The following RBM33 variants were observed in gnomAD, a reference collection of about 807,000 sequenced individuals.
RBM33 encodes RNA-binding protein 33.
In RBM33, 28 loss-of-function variants were observed where a neutral mutation model predicts 132.6. The ratio of observed to expected loss-of-function variants is 0.21; its 90% confidence interval spans 0.16 to 0.29. RBM33 has a LOEUF of 0.29. RBM33 is among the 10% of genes least tolerant of loss of function. The pLI, the probability that RBM33 is intolerant of heterozygous loss-of-function variation, is 1.00. For missense variants in RBM33, 1,291 were observed against 1,518.5 expected, an observed-to-expected ratio of 0.85 and a Z score of 2.49; for synonymous variants, 634 against 593.0, an observed-to-expected ratio of 1.07 and a Z score of -1.01.
chr7:155,656,321 A>G (rs893926407), intron 1 of RBM33, among the ~76,000 whole-genome samples: 15 of 152,188 alleles, frequency 9.9e-5, no homozygotes, highest in Non-Finnish European at 2.2e-4. Context: ...GTGGCACAAA[A>G]TCATGGTTAA....
chr7:155,737,231 A>G (rs1801153414), intron 9 of RBM33, among the ~76,000 whole-genome samples: 1 of 147,942 alleles, frequency 6.8e-6, no homozygotes, highest in African/African-American at 2.6e-5. Context: ...AGAAAGCGCT[A>G]CCATCTAGGT....
At chr7:155,718,792 C>T (rs1800540265) in intron 9 of RBM33, among the ~76,000 whole-genome samples, 1 of 151,980 alleles carries the variant, frequency 6.6e-6, no homozygotes, top group African/African-American at 2.4e-5. Flanking sequence ...CGCACAGGCA[C>T]GTGTGTTTGT....
intron 1 of RBM33, among the ~76,000 whole-genome samples, chr7:155,657,052 A>G (rs2116876599): frequency 6.6e-6 from 1 of 152,046 alleles, no homozygotes; most frequent in East Asian, 1.9e-4. Context: ...AGTGAAGGAT[A>G]CAGGTTTCAT....
intron 2 of RBM33, among the ~76,000 whole-genome samples, chr7:155,670,798 G>C (rs111398390): frequency 8.7e-4 from 133 of 152,168 alleles, no homozygotes; most frequent in African/African-American, 3.0e-3. Context: ...CCCCCATCCT[G>C]TTTCTCATTA....
chr7:155,687,839 C>G (rs1029661364), intron 5 of RBM33, among the ~76,000 whole-genome samples: 5 of 152,130 alleles, frequency 3.3e-5, no homozygotes, highest in Admixed American at 6.5e-5. Context: ...GTCGGTATCT[C>G]TGTTTTGGTA....
At chr7:155,732,954 G>A (rs1035261873) in intron 9 of RBM33, among the ~76,000 whole-genome samples, 2 of 152,336 alleles carry the variant, frequency 1.3e-5, no homozygotes, top group East Asian at 1.9e-4. Context: ...GCCTTCAGGA[G>A]CCTGGCCACA....
chr7:155,655,476 C>T (rs547313896), intron 1 of RBM33, among the ~76,000 whole-genome samples: 1 of 146,092 alleles, frequency 6.8e-6, no homozygotes, highest in Admixed American at 6.8e-5. Flanking sequence ...GTCCCCGAGA[C>T]TATGTCAGAG....
chr7:155,748,213 C>T (rs1385214742), intron 14 of RBM33, among the ~76,000 whole-genome samples: 1 of 152,216 alleles, frequency 6.6e-6, no homozygotes, highest in African/African-American at 2.4e-5. Context: ...TGTTGGTTCG[C>T]GTTTCCCATT....
chr7:155,715,371 C>T (rs990743096), intron 8 of RBM33, among the ~76,000 whole-genome samples: 6 of 152,146 alleles, frequency 3.9e-5, no homozygotes, highest in South Asian at 2.1e-4. Context: ...GCTGGTAATA[C>T]GTACAGATTT....
chr7:155,711,504 A>G (rs1200686002), intron 8 of RBM33, 49 bp downstream of exon 8: 3 of 1,248,802 alleles, frequency 2.4e-6, no homozygotes, highest in Non-Finnish European at 3.2e-6. Context: ...CCCAGCTTCC[A>G]ATGGTTTGAC....
Position 155,738,165 on chromosome 7 carries a change from C to T in RBM33, c.1499C>T (p.Thr500Ile). The change falls in exon 11 of 18, where the codon ACT (threonine) becomes ATT (isoleucine). Residue 500 changes from threonine to isoleucine, a missense_variant. Coordinates refer to ENST00000401878, the MANE Select transcript of RBM33 (RefSeq NM_053043.3). ...TLLNSSHPVPTQSPLPFTQPG... is the reference protein window; with the variant it reads ...TLLNSSHPVPIQSPLPFTQPG... Reference sequence around the variant, plus strand: ...CTTAACAGTAGCCATCCTGTTCCTACTCAGAGTCCTCTACCATTCACTCAG... The same window carrying T: ...CTTAACAGTAGCCATCCTGTTCCTATTCAGAGTCCTCTACCATTCACTCAG... 2 of 1,614,028 alleles carry T rather than the reference C, an allele frequency of 1.2e-6. No individual in the cohort carries two copies. Among genetic ancestry groups the T allele is most frequent in the Non-Finnish European group, 1.7e-6 (2 of 1,179,888 alleles).
At chr7:155,768,801 G>A (rs1802310139) in intron 16 of RBM33, among the ~76,000 whole-genome samples, 1 of 152,148 alleles carries the variant, frequency 6.6e-6, no homozygotes, top group African/African-American at 2.4e-5. Flanking sequence ...TTTTAGTAGA[G>A]ACGAGGTTTC....
chr7:155,661,130 G>GTA (rs1186560711), intron 1 of RBM33, among the ~76,000 whole-genome samples: 27 of 85,694 alleles, frequency 3.2e-4, no homozygotes, highest in African/African-American at 5.8e-4. Flanking sequence ...GTGTGTGTGT[G>GTA]TATATATATA....
At chr7:155,678,735 G>A (rs1014265447) in intron 4 of RBM33, 51 bp downstream of exon 4, 9 of 875,294 alleles carry the variant, frequency 1.0e-5, no homozygotes, top group South Asian at 9.3e-5. Context: ...TAAATTGATA[G>A]GAACTGTTAT....
intron 8 of RBM33, among the ~76,000 whole-genome samples, chr7:155,713,618 C>CG (rs1800371659): frequency 6.6e-6 from 1 of 151,896 alleles, no homozygotes; most frequent in South Asian, 2.1e-4. Flanking sequence ...GCACTTGGGG[C>CG]GGGGCTGGTG....
intron 14 of RBM33, among the ~76,000 whole-genome samples, chr7:155,757,905 C>T (rs1350553688): frequency 2.6e-5 from 4 of 151,916 alleles, no homozygotes. Context: ...GGGCATGTGC[C>T]ATGCACTCTG....
At chr7:155,744,853 A>G (rs1801460820) in intron 13 of RBM33, 108 bp from the exon 14 acceptor site, 1 of 1,094,662 alleles carries the variant, frequency 9.1e-7, no homozygotes. Context: ...CTTCTTTCAG[A>G]TACTGAATTA....
intron 7 of RBM33, among the ~76,000 whole-genome samples, chr7:155,707,704 T>TG (rs1013302884): frequency 2.0e-5 from 3 of 152,206 alleles, no homozygotes; most frequent in African/African-American, 7.2e-5. Flanking sequence ...TTGCCCAGGC[T>TG]GGAGTGCAGT....
intron 5 of RBM33, among the ~76,000 whole-genome samples, chr7:155,681,265 G>A (rs1340419816): frequency 1.3e-5 from 2 of 152,206 alleles, no homozygotes; most frequent in Non-Finnish European, 2.9e-5. Flanking sequence ...CTTCTAAGGC[G>A]AAAAGATTAT....
Sources: allele counts gnomAD v4.1 joint callset (sites outside exome capture counted in the v4.1 genomes callset), GRCh38; gene constraint gnomAD v4.1.1; transcripts MANE v1.5; gene names NCBI Gene and HGNC (gene_info 2026-07-23, HGNC 2026-07-21).